Variants in GEM observed in about 807,000 individuals in gnomAD.
GEM encodes the protein GTP binding protein overexpressed in skeletal muscle.
A neutral mutation model predicts 33.0 loss-of-function variants in GEM; 31 were observed. The ratio of observed to expected loss-of-function variants is 0.94; its 90% CI spans 0.71 to 1.27. The LOEUF (loss-of-function observed/expected upper bound fraction) is 1.27, where lower values mean the gene tolerates loss of function less well. GEM is among the 50% of genes most tolerant of loss of function. GEM has a pLI of 0.00. For missense variants in GEM, 354 were observed against 390.5 expected (o/e 0.91, Z 0.79); for synonymous variants, 141 against 143.7 (o/e 0.98, Z 0.13).
In GEM at chr8:94,252,137, G is replaced by A. The variant is rs571339649; in HGVS notation, c.495C>T (p.Phe165=). 5.6e-6 allele frequency: 9 copies of A among 1,613,668 alleles called. No individual in the cohort carries two copies. Among genetic ancestry groups the A allele is most frequent in the African/African-American group, 4.0e-5 (3 of 75,026 alleles). ...IVYSITDRAS[F]EKASELRIQL... The stretch of plus-strand genomic sequence containing the variant: ...GGATTCGCAGCTCAGATGCCTTCTC[G>A]AAGCTCGCTCGGTCTGTGATTGAGT... Residue 165 remains phenylalanine (F), a synonymous_variant, in exon 4 of 5, where the codon TTC becomes TTT. Transcript: ENST00000297596.
At chr8:94,257,638 C>T (rs887566350) in intron 2 of GEM, among the ~76,000 whole-genome samples, 12 of 152,122 alleles carry the variant, frequency 7.9e-5, no homozygotes, top group East Asian at 1.9e-4. Context: ...TGAGCATCTC[C>T]GCAGAAGAAG....
chr8:94,258,673 A>G (rs1302653252), intron 2 of GEM, among the ~76,000 whole-genome samples: 1 of 152,240 alleles, frequency 6.6e-6, no homozygotes, highest in African/African-American at 2.4e-5. Context: ...TCAAATAGGT[A>G]TATTAATGCC....
chr8:94,259,509 C>G (rs1218141895), intron 2 of GEM, among the ~76,000 whole-genome samples: 1 of 152,266 alleles, frequency 6.6e-6, no homozygotes, highest in East Asian at 1.9e-4. Context: ...TGTGCTTTAC[C>G]CCTAGCTGAA....
In GEM at chr8:94,251,979, C is replaced by G. The variant is rs762517509; in HGVS notation, c.613+40G>C. On this transcript the variant is annotated intron_variant, in intron 4 of 4. Transcript: ENST00000297596. ...GTGTCTGAAGGAAAACACATGTGAT[C>G]CAGCGATTGTTTCTACAGTATTGGC... 3.5e-6 allele frequency: 5 copies of G among 1,433,064 alleles called. 1 individual carries two copies. In the South Asian group the frequency reaches 5.7e-5, roughly 16 times the overall value. 88.8% of individuals were successfully genotyped at this position (1,433,064 alleles called of 1,614,324 possible). A position where few individuals can be genotyped will look rare whatever the true frequency, so the allele number is the denominator to read the frequency against.
rs780063278 is a variant in GEM, at chr8:94,252,036, C to T, written c.596G>A (p.Arg199Gln). Residue 199 changes from arginine (R) to glutamine (Q), a missense_variant, in exon 4 of 5, where the codon CGA becomes CAA. Coordinates refer to ENST00000297596, the MANE Select transcript of GEM (RefSeq NM_005261.4). ...CCTCTTACCTGATACAGACACTTCT[C>T]GGCACCGCACTAAGTCACTTTTGTT... ...VGNKSDLVRC[R>Q]EVSVSEGRAC... is the part of the protein sequence containing the mutation. 14 of 1,612,848 alleles carry T rather than the reference C, an allele frequency of 8.7e-6. No individual in the cohort carries two copies. The highest frequency in any genetic ancestry group is 1.7e-5 in the Admixed American group (1 of 60,000).
chr8:94,256,044 A>G (rs1268309132), intron 2 of GEM, among the ~76,000 whole-genome samples: 1 of 152,172 alleles, frequency 6.6e-6, no homozygotes, highest in Non-Finnish European at 1.5e-5. Flanking sequence ...ATTCAGCTTT[A>G]GCAAGAATCC....
chr8:94,250,424 C>T lies in GEM; in HGVS notation c.777G>A (p.Lys259=), dbSNP rs1808736479. The change falls in exon 5 of 5, where the codon AAG becomes AAA. Residue 259 remains lysine, a synonymous_variant. Coordinates refer to ENST00000297596, the MANE Select transcript of GEM (RefSeq NM_005261.4). ...NERRLAYQKR[K]ESMPRKARRF... is the part of the protein sequence containing the mutation. The stretch of plus-strand genomic sequence containing the variant: ...GCCTGGCTTTCCTGGGCATGCTCTC[C>T]TTCCTTTTCTGGTAGGCCAGCCGCC... The T allele has an allele frequency of 6.2e-7, 1 of 1,614,084 alleles. No homozygotes were observed. The highest frequency in any genetic ancestry group is 8.5e-7 in the Non-Finnish European group (1 of 1,180,038).
rs1386177895 is a variant in GEM at position 94,252,156 on chromosome 8, A to G, written c.476T>C (p.Ile159Thr). 1 of 1,613,612 alleles carries G rather than the reference A, an allele frequency of 6.2e-7. No homozygotes were observed. The highest frequency in any genetic ancestry group is 8.5e-7 in the Non-Finnish European group (1 of 1,179,692). Residue 159 changes from isoleucine to threonine, a missense_variant, in exon 4 of 5, where the codon ATC becomes ACC. Physicochemically the swap from Ile to Thr is moderately conservative, Grantham distance 89. Coordinates refer to ENST00000297596, the MANE Select transcript of GEM (RefSeq NM_005261.4). ...VGDAYLIVYS[I>T]TDRASFEKAS... ...CTTCTCGAAGCTCGCTCGGTCTGTG[A>G]TTGAGTAGACAATCAGGTATGCGTC...
intron 2 of GEM, among the ~76,000 whole-genome samples, chr8:94,256,541 G>A (rs1370360985): frequency 1.3e-5 from 2 of 152,160 alleles, no homozygotes; most frequent in Non-Finnish European, 1.5e-5. Context: ...GACTCCTGCA[G>A]CACCTCTAAA....
chr8:94,260,224 TG>T lies in GEM; in HGVS notation c.279del (p.Asn93LysfsTer26). On this transcript the variant is annotated frameshift_variant, in exon 2 of 5. Transcript: ENST00000297596. LOFTEE classifies it high-confidence loss of function. ...EQGVGKSTLA[N>X]IFAGVHDSMD... Reference sequence around the variant, plus strand: ...ATGCTGTCATGCACACCTGCAAAGATGTTGGCCAGAGTGGACTTGCCCACCC... The same window carrying T: ...ATGCTGTCATGCACACCTGCAAAGATTTGGCCAGAGTGGACTTGCCCACCC... The T allele has an allele frequency of 6.2e-7, 1 of 1,612,552 alleles. No individual in the cohort carries two copies. The highest frequency in any genetic ancestry group is 8.5e-7 in the Non-Finnish European group (1 of 1,178,632).
At chr8:94,252,295 AAT>A (rs1808794472) in intron 3 of GEM, 72 bp from the exon 4 acceptor site, 2 of 1,020,210 alleles carry the variant, frequency 2.0e-6, no homozygotes, top group Non-Finnish European at 1.5e-6. Flanking sequence ...GCAAAGAAAC[AAT>A]ATGTGTATCC....
Position 94,253,114 on chromosome 8 carries a change from T to C in GEM, c.332-2A>G, listed in dbSNP as rs778710780. 6.5e-7 allele frequency: 1 copy of C among 1,540,418 alleles called. No homozygotes were observed. Among genetic ancestry groups the C allele is most frequent in the Non-Finnish European group, 9.0e-7 (1 of 1,113,146 alleles). ...TCAGGGTTCGTTCATATGTATCTTCTAGAGAAGAAAGAACAAAGATATTGG... is the reference window on the plus strand; with the variant it reads ...TCAGGGTTCGTTCATATGTATCTTCCAGAGAAGAAAGAACAAAGATATTGG... On this transcript the variant is annotated splice_acceptor_variant, in intron 2 of 4. Coordinates refer to ENST00000297596, the MANE Select transcript of GEM (RefSeq NM_005261.4). LOFTEE classifies it high-confidence loss of function.
intron 2 of GEM, among the ~76,000 whole-genome samples, chr8:94,253,343 C>T (rs1238799450): frequency 6.6e-6 from 1 of 152,226 alleles, no homozygotes; most frequent in Non-Finnish European, 1.5e-5. Context: ...GAACATGTGT[C>T]ACTAAACCAC....
In GEM at chr8:94,249,319, GAT is replaced by G. The variant is rs1362443737; in HGVS notation, c.*989_*990del. On this transcript the variant is annotated 3_prime_UTR_variant, in exon 5 of 5. Coordinates refer to ENST00000297596, the MANE Select transcript of GEM (RefSeq NM_005261.4). ...GTAAAAACTTGCATATTTTGAAAAA[GAT>G]AGAAAATGGTAATAAAATGGATATT... 1 of 152,090 alleles carries G rather than the reference GAT, an allele frequency of 6.6e-6. No homozygotes were observed. The highest frequency in any genetic ancestry group is 2.4e-5 in the African/African-American group (1 of 41,424). 9.4% of individuals were successfully genotyped at this position (152,090 alleles called of 1,614,324 possible). A position where few individuals can be genotyped will look rare whatever the true frequency, so the allele number is the denominator to read the frequency against.
intron 2 of GEM, among the ~76,000 whole-genome samples, chr8:94,256,887 C>T (rs1314767420): frequency 2.0e-5 from 3 of 152,310 alleles, no homozygotes; most frequent in South Asian, 2.1e-4. Context: ...CTTTAATCCT[C>T]GTAACACCCT....
chr8:94,261,333 G>T (rs1809019184), intron 1 of GEM, among the ~76,000 whole-genome samples: 1 of 152,106 alleles, frequency 6.6e-6, no homozygotes, highest in Admixed American at 6.6e-5. Flanking sequence ...CCATTCTCAA[G>T]AGTTCTTTAA....
chr8:94,257,476 C>A (rs961956189), intron 2 of GEM, among the ~76,000 whole-genome samples: 3 of 152,220 alleles, frequency 2.0e-5, no homozygotes, highest in African/African-American at 7.2e-5. Flanking sequence ...GCCACCATGC[C>A]GGGCCAACCA....
At chr8:94,251,932 T>A (rs1808777406) in intron 4 of GEM, 87 bp downstream of exon 4, 1 of 1,007,134 alleles carries the variant, frequency 9.9e-7, no homozygotes, top group African/African-American at 1.6e-5. Context: ...AGATCCAGCC[T>A]CGTGGAAGGA....
chr8:94,249,542 A>G lies in GEM; in HGVS notation c.*768T>C, dbSNP rs1211978277. On this transcript the variant is annotated 3_prime_UTR_variant, in exon 5 of 5. Coordinates refer to ENST00000297596, the MANE Select transcript of GEM (RefSeq NM_005261.4). ...AAATTGACATTTTGCACTACAGGGT[A>G]TCAATAATTCTGATTTTAAAAATAT... 1 of 152,242 alleles carries G rather than the reference A, an allele frequency of 6.6e-6. No homozygotes were observed. Among genetic ancestry groups the G allele is most frequent in the African/African-American group, 2.4e-5 (1 of 41,470 alleles). The allele number at this position is 152,242 out of a possible 1,614,324, so 9.4% of individuals were successfully genotyped here. A position where few individuals can be genotyped will look rare whatever the true frequency, so the allele number is the denominator to read the frequency against.
Sources: allele counts gnomAD v4.1 joint callset (sites outside exome capture counted in the v4.1 genomes callset), GRCh38; gene constraint gnomAD v4.1.1; transcripts MANE v1.5; gene names NCBI Gene and HGNC (gene_info 2026-07-23, HGNC 2026-07-21).